The following ARFGEF1 variants were observed in gnomAD, a reference collection of about 807,000 sequenced individuals.
ARFGEF1 encodes ARF guanine nucleotide exchange factor 1, also known as brefeldin A-inhibited guanine nucleotide-exchange protein 1.
ARFGEF1 carries 42 observed loss-of-function variants against 231.0 expected under a neutral mutation model. The ratio of observed to expected loss-of-function variants is 0.18; its 90% CI spans 0.14 to 0.24. The LOEUF is 0.24. Ranked by LOEUF, ARFGEF1 falls within the 10% of genes least tolerant of loss-of-function variation. The pLI, the probability that ARFGEF1 is intolerant of heterozygous loss-of-function variation, is 1.00. For synonymous variants in ARFGEF1, 710 were observed against 732.3 expected, an observed-to-expected ratio of 0.97 and a Z score of 0.49; for missense variants, 1,345 against 2,192.0, an observed-to-expected ratio of 0.61 and a Z score of 7.72.
downstream of ARFGEF1, chr8:67,175,380 T>G: frequency 6.2e-7 from 1 of 1,614,216 alleles, no homozygotes; most frequent in Non-Finnish European, 8.5e-7. Context: ...CAGCAAGCCC[T>G]GCTAAGAGAG....
At position 67,313,472 on chromosome 8, in the gene ARFGEF1, G is replaced by GTGTTT. The variant is rs1173815289; in HGVS notation, c.125-11007_125-11006insAAACA. On this transcript the variant is annotated intron_variant, in intron 1 of 38. Coordinates refer to ENST00000262215, the MANE Select transcript of ARFGEF1 (RefSeq NM_006421.5). ...TGTTCAGATTTTTCTGTCCCACAGG[G>GTGTTT]TGTTCCCTTGATGCAGTACTCTCCC... is the stretch of plus-strand genomic sequence containing the variant. 2.6e-5 allele frequency among the ~76,000 whole-genome samples: 4 copies of GTGTTT among 152,268 alleles called. No homozygotes were observed. In the East Asian group the frequency reaches 7.7e-4, roughly 29 times the overall value.
intron 1 of ARFGEF1, among the ~76,000 whole-genome samples, chr8:67,333,194 C>T (rs1197823211): frequency 2.0e-5 from 3 of 151,972 alleles, no homozygotes; most frequent in East Asian, 1.9e-4. Context: ...ACCACCACAG[C>T]CAGCTAATTT....
chr8:67,268,048 A>C (rs975460044), intron 10 of ARFGEF1, among the ~76,000 whole-genome samples: 1 of 152,212 alleles, frequency 6.6e-6, no homozygotes, highest in African/African-American at 2.4e-5. Context: ...ATAAATTTCA[A>C]TTTAACAGAT....
chr8:67,219,870 G>A (rs1240410316), intron 29 of ARFGEF1, among the ~76,000 whole-genome samples: 1 of 152,130 alleles, frequency 6.6e-6, no homozygotes, highest in Non-Finnish European at 1.5e-5. Flanking sequence ...AAGGATAACC[G>A]TTTGAGTGAA....
At chr8:67,253,266 G>A (rs1840354693) in intron 18 of ARFGEF1, among the ~76,000 whole-genome samples, 185 bp downstream of exon 18, 1 of 152,048 alleles carries the variant, frequency 6.6e-6, no homozygotes, top group African/African-American at 2.4e-5. Flanking sequence ...TTAGAGACAA[G>A]AACCTTGCTA....
chr8:67,329,829 G>A (rs1428262052), intron 1 of ARFGEF1, among the ~76,000 whole-genome samples: 1 of 151,612 alleles, frequency 6.6e-6, no homozygotes, highest in African/African-American at 2.4e-5. Context: ...AGGCATGCAT[G>A]AGCAGCAAAA....
At chr8:67,190,146 G>T (rs563217792) in intron 5 of ARFGEF1, among the ~76,000 whole-genome samples, 51 of 152,276 alleles carry the variant, frequency 3.3e-4, no homozygotes, top group African/African-American at 8.7e-4. Context: ...TCATAGCAGT[G>T]TTATTCATAA....
chr8:67,265,992 G>C lies in ARFGEF1; in HGVS notation c.2123+14C>G. 1 of 1,611,708 alleles carries C rather than the reference G, an allele frequency of 6.2e-7. No homozygotes were observed. The highest frequency in any genetic ancestry group is 8.5e-7 in the Non-Finnish European group (1 of 1,178,224). On this transcript the variant is annotated intron_variant, in intron 14 of 38. Coordinates refer to ENST00000262215, the MANE Select transcript of ARFGEF1 (RefSeq NM_006421.5). ...GATATTCAATAACATTTCTCCTTAA[G>C]CTATGACACTTACAAATCTATCCCT...
intron 19 of ARFGEF1, among the ~76,000 whole-genome samples, chr8:67,246,221 C>T (rs896176854): frequency 6.6e-6 from 1 of 150,470 alleles, no homozygotes; most frequent in African/African-American, 2.5e-5. Context: ...AGCAGATCAA[C>T]AAAGAAACAT....
Position 67,305,805 on chromosome 8 carries a change from C to T in ARFGEF1, c.125-3339G>A, listed in dbSNP as rs954157086. ...CAGGGGATATATTCCAAGACCTCAG[C>T]GGATGCCTGAAACCTCAGATTAAAT... On this transcript the variant is annotated intron_variant, in intron 1 of 38. Transcript: ENST00000262215. Among the ~76,000 whole-genome samples the T allele has an allele frequency of 3.9e-5, 6 of 152,270 alleles. No individual in the cohort carries two copies. The South Asian group carries it at 6.2e-4, about 16-fold the overall frequency.
chr8:67,334,424 TA>T (rs1275501413), intron 1 of ARFGEF1, among the ~76,000 whole-genome samples: 3 of 151,784 alleles, frequency 2.0e-5, no homozygotes, highest in Non-Finnish European at 2.9e-5. Flanking sequence ...TGGCTAAAAA[TA>T]AAAAGGCAGT....
At position 67,211,522 on chromosome 8, in the gene ARFGEF1, C is replaced by T. The variant is rs1231068075; in HGVS notation, c.4780G>A (p.Ala1594Thr). 2 of 1,592,808 alleles carry T rather than the reference C, an allele frequency of 1.3e-6. No individual in the cohort carries two copies. Among genetic ancestry groups the T allele is most frequent in the South Asian group, 1.2e-5 (1 of 85,902 alleles). ...RPQAPLVSAS[A>T]VNEEVSKIKS... ...ATTTTGCTGACTTCTTCATTAACAG[C>T]AGACGCAGAAACCAGTGGTGCTTGT... The change falls in exon 34 of 39, where the codon GCT (alanine) becomes ACT (threonine). Residue 1594 changes from alanine to threonine, a missense_variant. Coordinates refer to ENST00000262215, the MANE Select transcript of ARFGEF1 (RefSeq NM_006421.5).
At chr8:67,250,629 GCCT>G (rs767757442) in intron 19 of ARFGEF1, among the ~76,000 whole-genome samples, 7 of 152,138 alleles carry the variant, frequency 4.6e-5, no homozygotes, top group Non-Finnish European at 8.8e-5. Context: ...ATGATCTTTA[GCCT>G]CCACAGACCA....
At chr8:67,197,594 T>G, downstream of ARFGEF1, 1 of 982,220 alleles carries the variant, frequency 1.0e-6, no homozygotes. Context: ...TGAAAATGTC[T>G]TTTCCATAGT....
chr8:67,272,376 C>G (rs888307994), intron 9 of ARFGEF1, among the ~76,000 whole-genome samples: 3 of 151,972 alleles, frequency 2.0e-5, no homozygotes, highest in African/African-American at 7.2e-5. Context: ...CGGTGTTAGT[C>G]AAGATGGTCT....
intron 33 of ARFGEF1, among the ~76,000 whole-genome samples, chr8:67,212,552 A>AC (rs1392506335): frequency 6.6e-6 from 1 of 152,132 alleles, no homozygotes; most frequent in Non-Finnish European, 1.5e-5. Flanking sequence ...ATGGCAGCTG[A>AC]CCCTACTCCT....
At chr8:67,274,578 T>C (rs915090339) in intron 9 of ARFGEF1, among the ~76,000 whole-genome samples, 2 of 152,122 alleles carry the variant, frequency 1.3e-5, no homozygotes, top group Admixed American at 1.3e-4. Flanking sequence ...CACTCTTTTT[T>C]TCAGGAATAA....
intron 29 of ARFGEF1, among the ~76,000 whole-genome samples, chr8:67,223,250 C>T (rs1402684883): frequency 1.3e-5 from 2 of 152,262 alleles, no homozygotes; most frequent in African/African-American, 4.8e-5. Context: ...CAATTTGTTG[C>T]CTAGGCTGGA....
intron 17 of ARFGEF1, among the ~76,000 whole-genome samples, chr8:67,254,746 A>G (rs1840401607): frequency 6.6e-6 from 1 of 152,036 alleles, no homozygotes; most frequent in Non-Finnish European, 1.5e-5. Context: ...TTATTCTGCA[A>G]ACAGATTTTT....
Sources: allele counts gnomAD v4.1 joint callset (sites outside exome capture counted in the v4.1 genomes callset), GRCh38; gene constraint gnomAD v4.1.1; transcripts MANE v1.5; gene names NCBI Gene and HGNC (gene_info 2026-07-23, HGNC 2026-07-21).